Variants in CTNNA1 observed in about 807,000 individuals in gnomAD.
CTNNA1 encodes the protein catenin alpha 1, also known as catenin alpha-1.
A neutral mutation model predicts 98.4 loss-of-function variants in CTNNA1; 37 were observed. The observed-to-expected ratio is 0.38, with a 90% CI of 0.29 to 0.49. The LOEUF is 0.49. CTNNA1 is among the 20% of genes least tolerant of loss of function. The probability of loss-of-function intolerance (pLI) is 0.95; values close to 1 mark genes in which losing one functional copy is unlikely to be tolerated. For missense variants in CTNNA1, 761 were observed against 1,147.2 expected (o/e 0.66, Z 4.86); for synonymous variants, 404 against 413.2 (o/e 0.98, Z 0.27).
chr5:138,803,319 A>G (rs542189060), intron 3 of CTNNA1, among the ~76,000 whole-genome samples: 47 of 151,844 alleles, frequency 3.1e-4, no homozygotes, highest in Non-Finnish European at 6.2e-4. Context: ...ATGCCTGGCT[A>G]ATTTTTCTTT....
rs1581167854 is a variant in CTNNA1 at position 138,824,675 on chromosome 5, A to G, written c.734A>G (p.Tyr245Cys). 1.2e-6 allele frequency: 2 copies of G among 1,614,180 alleles called. No individual in the cohort carries two copies. The change falls in exon 6 of 18, where the codon TAC becomes TGC. Residue 245 changes from tyrosine to cysteine, a missense_variant. Physicochemically the swap from Tyr to Cys is radical, Grantham distance 194. This residue lies in a region of CTNNA1 where 328 missense variants were observed against 354.3 expected (regional missense o/e 0.93). Coordinates refer to ENST00000302763, the MANE Select transcript of CTNNA1 (RefSeq NM_001903.5). ...TATAAGGCCAACAGGGACCTGATATACAAGCAGCTGCAGCAGGCGGTCACA... is the reference window on the plus strand; with the variant it reads ...TATAAGGCCAACAGGGACCTGATATGCAAGCAGCTGCAGCAGGCGGTCACA... Reference protein sequence around the residue: ...AAYKANRDLIYKQLQQAVTGI... With the variant: ...AAYKANRDLICKQLQQAVTGI...
At chr5:138,823,660 TAA>T (rs1204004733) in intron 5 of CTNNA1, among the ~76,000 whole-genome samples, 2 of 152,076 alleles carry the variant, frequency 1.3e-5, no homozygotes, top group Non-Finnish European at 2.9e-5. Flanking sequence ...ACTCTTACAA[TAA>T]AATTATGTAA....
At chr5:138,768,655 A>G (rs1477206119) in intron 1 of CTNNA1, among the ~76,000 whole-genome samples, 3 of 146,544 alleles carry the variant, frequency 2.0e-5, no homozygotes, top group African/African-American at 7.6e-5. Flanking sequence ...GGCATGCTAA[A>G]CTCCTGAACT....
chr5:138,874,981 C>T lies in CTNNA1; in HGVS notation c.1063-11231C>T. ...CTCAACGCAGTGAGTCTGTAAAAGG[C>T]TCTAACATGTAGGAGCCTTTGACCA... On this transcript the variant is annotated intron_variant, in intron 7 of 17. Coordinates refer to ENST00000302763, the MANE Select transcript of CTNNA1 (RefSeq NM_001903.5). The surrounding 1 kb of genome is among the most constrained non-coding windows in gnomAD (Gnocchi z 4.1). 6.4e-7 allele frequency: 1 copy of T among 1,553,814 alleles called. No homozygotes were observed.
chr5:138,757,489 G>C (rs1263060876), intron 1 of CTNNA1, among the ~76,000 whole-genome samples: 1 of 152,128 alleles, frequency 6.6e-6, no homozygotes, highest in Non-Finnish European at 1.5e-5. Flanking sequence ...AAAATGGACT[G>C]GATGTTGGGG....
At chr5:138,779,062 A>G (rs942148494) in intron 1 of CTNNA1, among the ~76,000 whole-genome samples, 1 of 152,122 alleles carries the variant, frequency 6.6e-6, no homozygotes, top group Non-Finnish European at 1.5e-5. Flanking sequence ...TATTTTTAGT[A>G]GAGAGAGGGT....
intron 9 of CTNNA1, among the ~76,000 whole-genome samples, chr5:138,888,618 G>A (rs909456045): frequency 1.3e-5 from 2 of 152,184 alleles, no homozygotes; most frequent in Admixed American, 1.3e-4. Flanking sequence ...GACAATCTCA[G>A]CTGACTGCAA....
intron 7 of CTNNA1, chr5:138,868,949 A>G (rs959159370): frequency 6.6e-6 from 1 of 152,170 alleles, no homozygotes; most frequent in Non-Finnish European, 1.5e-5. Context: ...CACAATTTTA[A>G]TAACAAAACT....
intron 7 of CTNNA1, among the ~76,000 whole-genome samples, chr5:138,877,774 G>A: frequency 6.6e-6 from 1 of 152,140 alleles, no homozygotes; most frequent in East Asian, 1.9e-4. Flanking sequence ...ATAAGCCCTT[G>A]GGATGTTGTA....
At chr5:138,776,039 CTTTT>C (rs57467422) in intron 1 of CTNNA1, among the ~76,000 whole-genome samples, 1 of 83,880 alleles carries the variant, frequency 1.2e-5, no homozygotes, top group Middle Eastern at 0.012. Flanking sequence ...GGAAATGTTT[CTTTT>C]TTTTTTTTTT....
intron 11 of CTNNA1, among the ~76,000 whole-genome samples, chr5:138,918,836 A>G (rs564047332): frequency 4.3e-4 from 65 of 152,288 alleles, no homozygotes; most frequent in African/African-American, 1.5e-3. Flanking sequence ...GGCTGAAACT[A>G]CCTGTCACCC....
chr5:138,886,392 G>C, intron 8 of CTNNA1, 100 bp downstream of exon 8: 1 of 1,254,126 alleles, frequency 8.0e-7, no homozygotes, highest in Non-Finnish European at 1.1e-6. Context: ...TTTATTGAGA[G>C]AAAGGATGGA....
At chr5:138,920,956 CG>C (rs1243444732) in intron 11 of CTNNA1, among the ~76,000 whole-genome samples, 1 of 151,912 alleles carries the variant, frequency 6.6e-6, no homozygotes, top group East Asian at 1.9e-4. Context: ...GGCTGTAGGG[CG>C]GGGGGAACTT....
chr5:138,802,882 T>A (rs563693398), intron 3 of CTNNA1, among the ~76,000 whole-genome samples: 9 of 152,194 alleles, frequency 5.9e-5, no homozygotes, highest in Non-Finnish European at 1.0e-4. Context: ...ACTGTAGCCT[T>A]GACCTCGTGT....
intron 3 of CTNNA1, among the ~76,000 whole-genome samples, chr5:138,809,701 C>G (rs1758471252): frequency 6.6e-6 from 1 of 151,542 alleles, no homozygotes; most frequent in Non-Finnish European, 1.5e-5. Context: ...TTCTCCTGTT[C>G]AAATCTTGAA....
chr5:138,913,084 T>G (rs1455777472), intron 10 of CTNNA1, among the ~76,000 whole-genome samples: 1 of 150,916 alleles, frequency 6.6e-6, no homozygotes, highest in Non-Finnish European at 1.5e-5. Flanking sequence ...TTTCGTTCAG[T>G]TTTTTTTTGT....
chr5:138,828,096 C>T, intron 7 of CTNNA1: 1 of 187,068 alleles, frequency 5.3e-6, no homozygotes, highest in Non-Finnish European at 1.1e-5. Context: ...TGATGCTTCA[C>T]CTCTAATATT....
At chr5:138,851,704 A>T (rs1220911691) in intron 7 of CTNNA1, among the ~76,000 whole-genome samples, 1 of 152,092 alleles carries the variant, frequency 6.6e-6, no homozygotes, top group Non-Finnish European at 1.5e-5. Context: ...AGTTGCAGTG[A>T]GCCGAGATTG....
At chr5:138,897,100 C>G (rs963175567) in intron 9 of CTNNA1, among the ~76,000 whole-genome samples, 3 of 152,076 alleles carry the variant, frequency 2.0e-5, no homozygotes, top group Non-Finnish European at 2.9e-5. Context: ...GTGTTTCATC[C>G]TTTCCCCGCT....
Sources: gnomAD v4.1 joint callset for allele counts (sites outside exome capture counted in the v4.1 genomes callset) on GRCh38, gnomAD v4.1.1 for gene constraint, gnomAD v4.1.1 regional missense constraint, Gnocchi (gnomAD v3.1) non-coding constraint, MANE v1.5 for transcripts, NCBI Gene and HGNC (gene_info 2026-07-23, HGNC 2026-07-21) for gene names.